Variants in PHF20 observed in about 807,000 individuals in gnomAD.
PHF20 encodes glioma-expressed antigen 2.
A neutral mutation model predicts 113.5 loss-of-function variants in PHF20; 23 were observed. The observed-to-expected ratio is 0.20, with a 90% CI of 0.15 to 0.29. The LOEUF is 0.29. PHF20 is among the 10% of genes least tolerant of loss of function. PHF20 has a pLI of 1.00. For synonymous variants in PHF20, 434 were observed against 457.3 expected (o/e 0.95, Z 0.65); for missense variants, 943 against 1,219.6 (o/e 0.77, Z 3.38).
intron 1 of PHF20, among the ~76,000 whole-genome samples, chr20:35,793,407 C>T (rs780931850): frequency 3.6e-4 from 55 of 151,174 alleles, no homozygotes; most frequent in Non-Finnish European, 7.5e-4. Flanking sequence ...TCAAGCAATT[C>T]TCCTGCCTCA....
At chr20:35,833,421 T>A (rs1164628746) in intron 2 of PHF20, among the ~76,000 whole-genome samples, 1 of 152,208 alleles carries the variant, frequency 6.6e-6, no homozygotes, top group Non-Finnish European at 1.5e-5. Flanking sequence ...GACCACCATG[T>A]GCATATATCC....
chr20:35,910,401 T>C (rs1341690507), intron 10 of PHF20, among the ~76,000 whole-genome samples: 2 of 152,210 alleles, frequency 1.3e-5, no homozygotes, highest in Non-Finnish European at 2.9e-5. Flanking sequence ...TCTTTACAGC[T>C]GTATCGAGAC....
intron 9 of PHF20, among the ~76,000 whole-genome samples, chr20:35,882,468 T>C (rs2054653018): frequency 1.3e-5 from 2 of 152,194 alleles, no homozygotes; most frequent in Non-Finnish European, 2.9e-5. Context: ...TGCTCTGTCA[T>C]CCAGGCTGGA....
intron 9 of PHF20, among the ~76,000 whole-genome samples, chr20:35,894,604 C>G (rs1052380462): frequency 3.3e-5 from 5 of 152,302 alleles, no homozygotes; most frequent in Non-Finnish European, 7.4e-5. Flanking sequence ...ATTGAATAGT[C>G]ATAGTAGATA....
chr20:35,930,598 A>C (rs1348501285), intron 14 of PHF20, among the ~76,000 whole-genome samples: 1 of 152,120 alleles, frequency 6.6e-6, no homozygotes, highest in Non-Finnish European at 1.5e-5. Flanking sequence ...ACCTGAGCCC[A>C]GGGAGGCTGA....
chr20:35,885,712 C>G (rs1226571810), intron 9 of PHF20, among the ~76,000 whole-genome samples: 3 of 152,026 alleles, frequency 2.0e-5, no homozygotes, highest in Non-Finnish European at 2.9e-5. Context: ...GTCCCATTTA[C>G]TGGTGACATT....
At chr20:35,814,623 C>T (rs1418683213) in intron 2 of PHF20, among the ~76,000 whole-genome samples, 1 of 150,504 alleles carries the variant, frequency 6.6e-6, no homozygotes, top group East Asian at 2.0e-4. Flanking sequence ...CCTGTAATCC[C>T]AGCACTTTGG....
At position 35,842,473 on chromosome 20, in the gene PHF20, C is replaced by A. The variant is rs1600812568; in HGVS notation, c.84-100C>A. On this transcript the variant is annotated intron_variant, in intron 2 of 17. Transcript: ENST00000374012. ...AGTCTCTAAACGGTAGGCCTGGTAA[C>A]CTTCTCCTTTGGGAAGAGGTTTGGA... The A allele has an allele frequency of 9.4e-6, 10 of 1,068,074 alleles. No homozygotes were observed. In the East Asian group the frequency reaches 1.7e-4, roughly 18 times the overall value. 66.2% of individuals were successfully genotyped at this position (1,068,074 alleles called of 1,614,324 possible).
At chr20:35,933,982 A>G (rs1170262660) in intron 15 of PHF20, among the ~76,000 whole-genome samples, 1 of 152,192 alleles carries the variant, frequency 6.6e-6, no homozygotes, top group Non-Finnish European at 1.5e-5. Context: ...CTGTCTCTCT[A>G]TGTGATACTG....
chr20:35,922,247 C>T (rs952044826), intron 13 of PHF20, among the ~76,000 whole-genome samples: 2 of 152,270 alleles, frequency 1.3e-5, no homozygotes, highest in Non-Finnish European at 2.9e-5. Context: ...TAAGGAGGGA[C>T]GGTTTCTGAC....
At chr20:35,898,000 C>T (rs1241151112) in intron 9 of PHF20, among the ~76,000 whole-genome samples, 12 of 151,952 alleles carry the variant, frequency 7.9e-5, no homozygotes, top group African/African-American at 2.4e-4. Flanking sequence ...CTCAACCTCC[C>T]GAGTAGCTGG....
At chr20:35,799,823 G>A (rs575049987) in intron 1 of PHF20, among the ~76,000 whole-genome samples, 281 of 152,128 alleles carry the variant, frequency 1.8e-3, no homozygotes, top group African/African-American at 6.0e-3. Context: ...GCCTGCCGCC[G>A]CGCCCCACTA....
At position 35,871,959 on chromosome 20, in the gene PHF20, A is replaced by C. The variant is rs561635744; in HGVS notation, c.1282+130A>C. The C allele has an allele frequency of 2.7e-5, 16 of 595,256 alleles. No individual in the cohort carries two copies. The South Asian group carries it at 4.5e-4, about 17-fold the overall frequency. The allele number at this position is 595,256 out of a possible 1,614,324, so 36.9% of individuals were successfully genotyped here. On this transcript the variant is annotated intron_variant, in intron 9 of 17. Coordinates refer to ENST00000374012, the MANE Select transcript of PHF20 (RefSeq NM_016436.5). ...TTATTAATATTCCCTTATCATTTTA[A>C]TGTTATGCTCCTTTCATTTCTGATT...
intron 1 of PHF20, among the ~76,000 whole-genome samples, chr20:35,797,692 C>T (rs1298346385): frequency 6.8e-6 from 1 of 147,596 alleles, no homozygotes; most frequent in Admixed American, 6.8e-5. Context: ...TGCTCTGTCA[C>T]CCAGACTGGT....
intron 2 of PHF20, chr20:35,838,321 A>G (rs984241784): frequency 1.3e-5 from 2 of 152,232 alleles, no homozygotes; most frequent in Admixed American, 6.5e-5. Context: ...AAGGATATAC[A>G]GCAAATAAAA....
chr20:35,926,830 C>A (rs1157198975), intron 13 of PHF20, among the ~76,000 whole-genome samples: 2 of 152,164 alleles, frequency 1.3e-5, no homozygotes, highest in Non-Finnish European at 2.9e-5. Flanking sequence ...GGCTGGTGGG[C>A]CACCATCAAG....
At chr20:35,808,045 G>T (rs1025741867) in intron 2 of PHF20, among the ~76,000 whole-genome samples, 2 of 152,072 alleles carry the variant, frequency 1.3e-5, no homozygotes, top group African/African-American at 4.8e-5. Flanking sequence ...AAGCAAAAGC[G>T]GCCATGTGTA....
At chr20:35,857,781 T>C (rs1275099745) in intron 4 of PHF20, among the ~76,000 whole-genome samples, 2 of 152,024 alleles carry the variant, frequency 1.3e-5, no homozygotes. Flanking sequence ...GAGACAGGTT[T>C]CACTATGTTG....
intron 2 of PHF20, among the ~76,000 whole-genome samples, chr20:35,807,931 A>G (rs1207381673): frequency 6.6e-6 from 1 of 152,160 alleles, no homozygotes. Context: ...GAATAAAATG[A>G]TACATTGTGA....
Sources: gnomAD v4.1 joint callset for allele counts (sites outside exome capture counted in the v4.1 genomes callset) on GRCh38, gnomAD v4.1.1 for gene constraint, MANE v1.5 for transcripts, NCBI Gene and HGNC (gene_info 2026-07-23, HGNC 2026-07-21) for gene names.